Variants in STK39 observed in about 807,000 individuals in gnomAD.
The protein encoded by STK39 is STE20/SPS1-related proline-alanine-rich protein kinase.
Under a neutral mutation model 77.8 loss-of-function variants are expected in STK39, and 20 were observed. The observed-to-expected ratio is 0.26, with a 90% confidence interval of 0.18 to 0.37. The LOEUF (loss-of-function observed/expected upper bound fraction) is 0.37, where lower values mean the gene tolerates loss of function less well. Ranked by LOEUF, STK39 falls within the 10% of genes least tolerant of loss-of-function variation. The probability of loss-of-function intolerance (pLI) is 1.00; values close to 1 mark genes in which losing one functional copy is unlikely to be tolerated. For synonymous variants in STK39, 246 were observed against 234.1 expected, an observed-to-expected ratio of 1.05 and a Z score of -0.47; for missense variants, 479 against 656.5, an observed-to-expected ratio of 0.73 and a Z score of 2.95.
intron 2 of STK39, among the ~76,000 whole-genome samples, chr2:168,179,075 A>G (rs117685983): frequency 0.013 from 1,986 of 152,254 alleles, 44 homozygotes; most frequent in East Asian, 0.075. Flanking sequence ...TTTCTATGAC[A>G]TAACACTCTC....
chr2:168,106,106 A>G (rs4668016), intron 10 of STK39, among the ~76,000 whole-genome samples: 110,844 of 152,136 alleles, frequency 0.73, 40,887 homozygotes, highest in Non-Finnish European at 0.79. Context: ...GGGACTACAG[A>G]TGCGCACCAC....
chr2:168,219,245 C>T (rs1469537303), intron 1 of STK39, among the ~76,000 whole-genome samples: 2 of 151,506 alleles, frequency 1.3e-5, no homozygotes, highest in African/African-American at 4.9e-5. Flanking sequence ...AAGATTGAGC[C>T]ACTGCACTCC....
At chr2:167,983,315 A>G (rs112392934) in intron 16 of STK39, among the ~76,000 whole-genome samples, 48 of 152,156 alleles carry the variant, frequency 3.2e-4, no homozygotes, top group African/African-American at 1.1e-3. Flanking sequence ...CCCTGTCTCT[A>G]CTAAAAATAC....
intron 14 of STK39, among the ~76,000 whole-genome samples, chr2:168,037,864 A>G (rs1684998350): frequency 6.6e-6 from 1 of 152,170 alleles, no homozygotes; most frequent in Admixed American, 6.5e-5. Flanking sequence ...ATGAACATAT[A>G]TTACCTTCAT....
At chr2:168,047,440 G>C (rs1407777484) in intron 14 of STK39, among the ~76,000 whole-genome samples, 1 of 152,198 alleles carries the variant, frequency 6.6e-6, no homozygotes, top group African/African-American at 2.4e-5. Flanking sequence ...CATAAAAAGA[G>C]AAAGGATCAA....
chr2:167,991,669 C>T (rs1683703620), intron 16 of STK39, among the ~76,000 whole-genome samples: 1 of 152,166 alleles, frequency 6.6e-6, no homozygotes, highest in Non-Finnish European at 1.5e-5. Flanking sequence ...AAAGTCTTAA[C>T]AAATGACCAG....
chr2:167,993,753 C>A (rs911713696), intron 16 of STK39, among the ~76,000 whole-genome samples: 2 of 152,118 alleles, frequency 1.3e-5, no homozygotes, highest in Non-Finnish European at 2.9e-5. Flanking sequence ...GCAGTTTCTC[C>A]TGGAGAATCA....
At chr2:168,127,424 C>CA (rs1687572052) in intron 10 of STK39, among the ~76,000 whole-genome samples, 1 of 152,214 alleles carries the variant, frequency 6.6e-6, no homozygotes, top group Non-Finnish European at 1.5e-5. Flanking sequence ...ACTAGGATTA[C>CA]AGGTGTGAGC....
At chr2:167,984,370 A>G (rs1259297502) in intron 16 of STK39, among the ~76,000 whole-genome samples, 1 of 152,182 alleles carries the variant, frequency 6.6e-6, no homozygotes, top group Non-Finnish European at 1.5e-5. Context: ...GTGACACTCA[A>G]TTTACATCTT....
chr2:168,187,457 A>G (rs1689237169), intron 1 of STK39, among the ~76,000 whole-genome samples: 2 of 152,224 alleles, frequency 1.3e-5, no homozygotes, highest in African/African-American at 2.4e-5. Context: ...TGACTTGCCT[A>G]ACTTCTTCAT....
chr2:168,175,843 G>T (rs1009834699), intron 2 of STK39, among the ~76,000 whole-genome samples: 1 of 152,138 alleles, frequency 6.6e-6, no homozygotes, highest in Non-Finnish European at 1.5e-5. Flanking sequence ...GACTTGAAAT[G>T]CTCGAAATAG....
At chr2:168,094,695 G>GT (rs1686614780) in intron 10 of STK39, among the ~76,000 whole-genome samples, 1 of 151,954 alleles carries the variant, frequency 6.6e-6, no homozygotes, top group African/African-American at 2.4e-5. Context: ...ACTTGTTCCT[G>GT]TGACTGTTCC....
intron 1 of STK39, among the ~76,000 whole-genome samples, chr2:168,191,750 T>C (rs950525823): frequency 6.6e-5 from 10 of 152,210 alleles, no homozygotes; most frequent in Admixed American, 6.5e-4. Context: ...AGTCAGGGGC[T>C]ATTAGGAAAA....
At chr2:168,216,148 C>T (rs550728246) in intron 1 of STK39, among the ~76,000 whole-genome samples, 1 of 147,772 alleles carries the variant, frequency 6.8e-6, no homozygotes, top group Admixed American at 6.7e-5. Flanking sequence ...GCCTCCCGTG[C>T]TTCCTCCTTA....
chr2:168,230,463 G>T (rs760158477), intron 1 of STK39, among the ~76,000 whole-genome samples: 6 of 152,164 alleles, frequency 3.9e-5, no homozygotes, highest in African/African-American at 1.2e-4. Context: ...CCCAACACGC[G>T]AGCGAGACCA....
chr2:168,206,302 C>CTT (rs869096206), intron 1 of STK39, among the ~76,000 whole-genome samples: 14 of 141,732 alleles, frequency 9.9e-5, no homozygotes, highest in South Asian at 2.2e-4. Context: ...TCTTTTCTTT[C>CTT]TTTTTTTTTT....
At chr2:168,113,630 C>T (rs1342081465) in intron 10 of STK39, among the ~76,000 whole-genome samples, 1 of 152,172 alleles carries the variant, frequency 6.6e-6, no homozygotes, top group African/African-American at 2.4e-5. Context: ...GTGAACTTAG[C>T]AATATGGCTT....
intron 14 of STK39, among the ~76,000 whole-genome samples, chr2:168,018,462 C>T (rs767670234): frequency 1.5e-4 from 22 of 149,546 alleles, no homozygotes; most frequent in Admixed American, 6.1e-4. Flanking sequence ...CACTGCATTA[C>T]AGCTTGGGTG....
rs1685766545 is a variant in STK39 at position 168,065,354 on chromosome 2, C to T, written c.1270G>A (p.Glu424Lys). ...TGCACAGAGAGGGACTGTATTTGTT[C>T]GGGGATGGTGCTGGCACTCACTGCA... ...EIAVSASTIP[E>K]QIQSLSVHDS... is the part of the protein sequence containing the mutation. Residue 424 changes from glutamate to lysine, a missense_variant, in exon 13 of 18, where the codon GAA (glutamate) becomes AAA (lysine). Coordinates refer to ENST00000355999, the MANE Select transcript of STK39 (RefSeq NM_013233.3). The T allele has an allele frequency of 2.5e-6, 4 of 1,614,012 alleles. No individual in the cohort carries two copies. The highest frequency in any genetic ancestry group is 2.2e-5 in the South Asian group (2 of 91,068).
Sources: gnomAD v4.1 joint callset for allele counts (sites outside exome capture counted in the v4.1 genomes callset) on GRCh38, gnomAD v4.1.1 for gene constraint, MANE v1.5 for transcripts, NCBI Gene and HGNC (gene_info 2026-07-23, HGNC 2026-07-21) for gene names.